The following ENOSF1 variants were observed in gnomAD, a reference collection of about 807,000 sequenced individuals.
ENOSF1 encodes the protein mitochondrial enolase superfamily member 1.
A neutral mutation model predicts 68.2 loss-of-function variants in ENOSF1; 73 were observed. That is an observed-to-expected ratio of 1.07 (90% confidence interval 0.89 to 1.30). The LOEUF is 1.30. Among genes scored for constraint, ENOSF1 ranks in the 50% most tolerant of loss-of-function variants. The pLI is 0.00. For missense variants in ENOSF1, 589 were observed against 554.5 expected, an observed-to-expected ratio of 1.06 and a Z score of -0.62; for synonymous variants, 223 against 210.4, an observed-to-expected ratio of 1.06 and a Z score of -0.52.
At chr18:700,711 C>G (rs1230375487) in intron 2 of ENOSF1, among the ~76,000 whole-genome samples, 2 of 151,800 alleles carry the variant, frequency 1.3e-5, no homozygotes, top group Admixed American at 1.3e-4. Context: ...ATGGTGAAAC[C>G]CTGTCTCTAC....
intron 2 of ENOSF1, among the ~76,000 whole-genome samples, chr18:704,182 T>G (rs1288712650): frequency 6.6e-6 from 1 of 152,020 alleles, no homozygotes; most frequent in African/African-American, 2.4e-5. Context: ...GCCTATAATC[T>G]TAGCACTTTG....
chr18:709,752 C>A (rs1343542682), intron 1 of ENOSF1, among the ~76,000 whole-genome samples: 1 of 151,708 alleles, frequency 6.6e-6, no homozygotes, highest in Non-Finnish European at 1.5e-5. Flanking sequence ...GGCTGGGCAA[C>A]AAGCGAGACT....
chr18:708,816 A>G (rs1363309004), intron 1 of ENOSF1, among the ~76,000 whole-genome samples: 1 of 152,124 alleles, frequency 6.6e-6, no homozygotes, highest in Non-Finnish European at 1.5e-5. Context: ...GAGTGTATTC[A>G]AGTGTTGGTG....
chr18:667,992 A>AT (rs60409589), downstream of ENOSF1, among the ~76,000 whole-genome samples: 28,467 of 105,808 alleles, frequency 0.27, 4,185 homozygotes, highest in South Asian at 0.34. Flanking sequence ...ATTCACAGGA[A>AT]TTTTTTTTTT....
In ENOSF1 at chr18:683,424, C is replaced by T. The variant is rs747411301; in HGVS notation, c.742-44G>A. 8.1e-6 allele frequency: 13 copies of T among 1,607,646 alleles called. No homozygotes were observed. The South Asian group carries it at 1.3e-4, about 16-fold the overall frequency. On this transcript the variant is annotated intron_variant, in intron 10 of 15. Transcript: ENST00000647584. ...CACAGGGAGGTCAGCCCTGAGCCAA[C>T]CTCACAGCAGGGCTGCGGCTCCCAG...
intron 3 of ENOSF1, among the ~76,000 whole-genome samples, chr18:695,779 A>G (rs2077646764): frequency 6.6e-6 from 1 of 152,102 alleles, no homozygotes; most frequent in South Asian, 2.1e-4. Flanking sequence ...CATGGATTTT[A>G]TTCAATGGGT....
chr18:674,308 A>G lies in ENOSF1; in HGVS notation c.1329T>C (p.Asn443=), dbSNP rs774817076. The change falls in exon 16 of 16, where the codon AAT becomes AAC. Residue 443 remains asparagine, a synonymous_variant. Transcript: ENST00000647584. ...VWKKLLPAQE[N] ...AAAAGTTGTTGGGGCTGAGCACTTA[A>G]TTTTCTTGAGCAGGAAGGAGTTTCT... 3.1e-5 allele frequency: 50 copies of G among 1,606,132 alleles called. No individual in the cohort carries two copies. The highest frequency in any genetic ancestry group is 4.3e-5 in the Non-Finnish European group (50 of 1,176,452).
chr18:685,888 T>C, intron 10 of ENOSF1, 33 bp downstream of exon 10: 1 of 1,497,126 alleles, frequency 6.7e-7, no homozygotes, highest in Non-Finnish European at 9.3e-7. Flanking sequence ...GGACAAAGGC[T>C]ACTGCTTCTT....
downstream of ENOSF1, among the ~76,000 whole-genome samples, chr18:669,668 C>A (rs2074947528): frequency 6.6e-6 from 1 of 152,088 alleles, no homozygotes. Context: ...TATACTCATT[C>A]TTACACCAAA....
chr18:668,085 A>G (rs2074892158), downstream of ENOSF1, among the ~76,000 whole-genome samples: 1 of 146,868 alleles, frequency 6.8e-6, no homozygotes, highest in African/African-American at 2.6e-5. Flanking sequence ...CATCCTGTAT[A>G]CATTCACATT....
rs1051028176 is a variant in ENOSF1, at chr18:679,723, C to T, written c.877-986G>A. ...TGCTGCTCTCTGTCCTCTCACCTGG[C>T]CCCTGAACACTACCTCCGTCACCTG... On this transcript the variant is annotated intron_variant, in intron 11 of 15. Transcript: ENST00000647584. 2.6e-5 allele frequency among the ~76,000 whole-genome samples: 4 copies of T among 152,120 alleles called. No homozygotes were observed. The East Asian group carries it at 5.8e-4, about 22-fold the overall frequency.
downstream of ENOSF1, among the ~76,000 whole-genome samples, chr18:667,233 A>ATGGAGATGGAGATGGTGATGGT (rs2074859044): frequency 7.7e-5 from 1 of 13,024 alleles, no homozygotes; most frequent in Non-Finnish European, 1.2e-4. Flanking sequence ...ATGGTGATGG[A>ATGGAGATGGAGATGGTGATGGT]GATGGAGATG....
At chr18:692,716 C>G (rs2077323092) in intron 5 of ENOSF1, 1 of 990,406 alleles carries the variant, frequency 1.0e-6, no homozygotes, top group Non-Finnish European at 1.2e-6. Context: ...TTCTGGTGGC[C>G]TGCAAATCAT....
At chr18:678,354 A>G (rs565073063) in intron 12 of ENOSF1, 1 of 379,236 alleles carries the variant, frequency 2.6e-6, no homozygotes, top group East Asian at 5.3e-5. Context: ...TATAAGCTCA[A>G]AAAGTGAACG....
intron 1 of ENOSF1, among the ~76,000 whole-genome samples, chr18:708,602 G>A (rs2079186089): frequency 6.6e-6 from 1 of 152,168 alleles, no homozygotes. Context: ...ATGAACGACT[G>A]GCAGAGAGCG....
chr18:701,619 G>A (rs952664542), intron 2 of ENOSF1, among the ~76,000 whole-genome samples: 10 of 152,008 alleles, frequency 6.6e-5, no homozygotes, highest in African/African-American at 7.2e-5. Context: ...TTAGCCGGGC[G>A]TGGTGGCAGG....
intron 1 of ENOSF1, among the ~76,000 whole-genome samples, chr18:710,089 T>C (rs530990254): frequency 6.6e-6 from 1 of 152,298 alleles, no homozygotes; most frequent in South Asian, 2.1e-4. Flanking sequence ...GCAAATTCCA[T>C]TTCTTGAATT....
chr18:706,546 G>A lies in ENOSF1; in HGVS notation c.117C>T (p.Val39=), dbSNP rs139918997. The A allele has an allele frequency of 2.9e-5, 47 of 1,613,516 alleles. No individual in the cohort carries two copies. Among genetic ancestry groups the A allele is most frequent in the Admixed American group, 5.0e-5 (3 of 59,940 alleles). ...HTDPDYSAAY[V]VIETDAEDGI... ...CATCTTCTGCATCAGTTTCTATGAC[G>A]ACATAGGCAGCCGAGTAGTCAGGGT... The change falls in exon 2 of 16, where the codon GTC becomes GTT. Residue 39 remains valine, a synonymous_variant. Coordinates refer to ENST00000647584, the MANE Select transcript of ENOSF1 (RefSeq NM_017512.7).
In ENOSF1 at chr18:672,988, G is replaced by T. The variant is rs764603167; in HGVS notation, c.*1317C>A. The T allele has an allele frequency of 3.2e-6, 5 of 1,564,260 alleles. No homozygotes were observed. Among genetic ancestry groups the T allele is most frequent in the Non-Finnish European group, 4.4e-6 (5 of 1,142,138 alleles). ...CGCATCCAACTATTAAAATGGAAATGGCTGTTTAGGGTGCTTTCAAAGGAG... is the reference window on the plus strand; with the variant it reads ...CGCATCCAACTATTAAAATGGAAATTGCTGTTTAGGGTGCTTTCAAAGGAG... On this transcript the variant is annotated 3_prime_UTR_variant, in exon 16 of 16. Coordinates refer to ENST00000647584, the MANE Select transcript of ENOSF1 (RefSeq NM_017512.7).
Sources: gnomAD v4.1 joint callset for allele counts (sites outside exome capture counted in the v4.1 genomes callset) on GRCh38, gnomAD v4.1.1 for gene constraint, MANE v1.5 for transcripts, NCBI Gene and HGNC (gene_info 2026-07-23, HGNC 2026-07-21) for gene names.